EPRS1: variants seen among roughly 807,000 people sequenced by gnomAD.
EPRS1 encodes the protein bifunctional glutamate/proline--tRNA ligase.
In EPRS1, 107 loss-of-function variants were observed where a neutral mutation model predicts 188.3. The observed-to-expected ratio is 0.57, with a 90% CI of 0.49 to 0.67. EPRS1 has a LOEUF of 0.67. EPRS1 is among the 30% of genes least tolerant of loss of function. EPRS1 has a pLI of 0.00. For missense variants in EPRS1, 1,577 were observed against 1,802.2 expected (o/e 0.88, Z 2.26); for synonymous variants, 596 against 593.1 (o/e 1.00, Z -0.07).
intron 1 of EPRS1, among the ~76,000 whole-genome samples, chr1:220,041,792 A>G (rs1044412052): frequency 2.0e-5 from 3 of 151,966 alleles, no homozygotes; most frequent in Non-Finnish European, 4.4e-5. Flanking sequence ...GCAAGCCAAG[A>G]TTGCACTATT....
chr1:220,003,326 T>C (rs1277765937), intron 16 of EPRS1, among the ~76,000 whole-genome samples: 1 of 152,230 alleles, frequency 6.6e-6, no homozygotes, highest in African/African-American at 2.4e-5. Flanking sequence ...TACAAGTCCT[T>C]TAAGAGACAT....
intron 27 of EPRS1, 138 bp downstream of exon 27, chr1:219,979,280 C>A: frequency 1.6e-6 from 1 of 628,874 alleles, no homozygotes; most frequent in Admixed American, 3.0e-5. Flanking sequence ...CACTAGGGTC[C>A]AGACTGCATT....
intron 18 of EPRS1, among the ~76,000 whole-genome samples, chr1:219,994,687 G>A (rs1295861335): frequency 7.6e-6 from 1 of 132,196 alleles, no homozygotes; most frequent in East Asian, 2.1e-4. Flanking sequence ...GAGTCTTGCT[G>A]TTGCCCAGGC....
chr1:220,022,283 G>A (rs1661891920), intron 9 of EPRS1, 64 bp downstream of exon 9: 1 of 1,430,148 alleles, frequency 7.0e-7, no homozygotes, highest in Admixed American at 2.0e-5. Context: ...TGTACTCCAT[G>A]TTTAAAGAAG....
intron 14 of EPRS1, 31 bp downstream of exon 14, chr1:220,007,171 G>A: frequency 6.4e-7 from 1 of 1,574,074 alleles, no homozygotes. Flanking sequence ...TTTCTCCTAT[G>A]TTTATTTGAA....
intron 23 of EPRS1, 107 bp downstream of exon 23, chr1:219,982,665 C>G: frequency 3.7e-6 from 3 of 821,052 alleles, no homozygotes; most frequent in Non-Finnish European, 6.1e-6. Flanking sequence ...AATGTTATAT[C>G]GTCAACAGAG....
intron 6 of EPRS1, among the ~76,000 whole-genome samples, chr1:220,026,899 AATAAT>A (rs1290763112): frequency 6.6e-6 from 1 of 151,826 alleles, no homozygotes; most frequent in Non-Finnish European, 1.5e-5. Flanking sequence ...TATAAAATAA[AATAAT>A]ATAAAAATTC....
intron 2 of EPRS1, among the ~76,000 whole-genome samples, chr1:220,037,529 A>AAAGATGG (rs1388210202): frequency 6.6e-6 from 1 of 151,300 alleles, no homozygotes; most frequent in African/African-American, 2.4e-5. Context: ...AAAAAAATAG[A>AAAGATGG]AAGATGGAAA....
chr1:219,972,091 T>A lies in EPRS1; in HGVS notation c.4301A>T (p.Gln1434Leu), dbSNP rs548851329. The part of the protein sequence containing the change: ...MVVANTMEDF[Q>L]KILDSGKIVQ... ...GACCTTTCCAGAATCTAGTATCTTC[T>A]GAAAGTCTTCCATTGTATTAGCCAC... Residue 1434 changes from glutamine to leucine, a missense_variant, in exon 30 of 32, where the codon CAG becomes CTG. Physicochemically the swap from Gln to Leu is moderately radical, Grantham distance 113. Transcript: ENST00000366923. The A allele has an allele frequency of 2.7e-5, 43 of 1,598,818 alleles. No individual in the cohort carries two copies. In the South Asian group the frequency reaches 4.2e-4, roughly 16 times the overall value.
At chr1:219,975,804 A>G (rs1050629396) in intron 28 of EPRS1, among the ~76,000 whole-genome samples, 7 of 151,834 alleles carry the variant, frequency 4.6e-5, no homozygotes, top group African/African-American at 7.3e-5. Context: ...ATACATAAAT[A>G]GATATGGAAA....
intron 1 of EPRS1, among the ~76,000 whole-genome samples, chr1:220,045,785 T>G (rs1662390089): frequency 1.3e-5 from 2 of 152,162 alleles, no homozygotes; most frequent in South Asian, 4.1e-4. Flanking sequence ...TAAAAATAAA[T>G]GCAGCCTCAG....
chr1:219,973,190 G>A (rs772270187), intron 29 of EPRS1, 48 bp downstream of exon 29: 2 of 1,531,918 alleles, frequency 1.3e-6, no homozygotes, highest in Non-Finnish European at 1.8e-6. Flanking sequence ...GATCTCAAAG[G>A]TGGTGGAAGA....
intron 24 of EPRS1, 72 bp downstream of exon 24, chr1:219,981,306 A>C (rs1660892703): frequency 9.6e-7 from 1 of 1,043,982 alleles, no homozygotes; most frequent in Admixed American, 2.4e-5. Context: ...AAATAAAAAC[A>C]AAATGTGCTT....
chr1:219,992,485 G>A (rs184703482), intron 18 of EPRS1, among the ~76,000 whole-genome samples: 477 of 152,266 alleles, frequency 3.1e-3, no homozygotes, highest in Middle Eastern at 0.014. Flanking sequence ...TTCTTCCATG[G>A]AGGGATCAGC....
chr1:220,002,034 A>G (rs1050241590), intron 16 of EPRS1, among the ~76,000 whole-genome samples: 1 of 139,382 alleles, frequency 7.2e-6, no homozygotes, highest in Admixed American at 7.0e-5. Context: ...GTCTCCAAAG[A>G]AAAAAAAAAA....
At chr1:220,028,885 A>G (rs1275415236) in intron 6 of EPRS1, among the ~76,000 whole-genome samples, 1 of 152,178 alleles carries the variant, frequency 6.6e-6, no homozygotes, top group Non-Finnish European at 1.5e-5. Flanking sequence ...AGAGATGATG[A>G]AAACTATGCA....
intron 9 of EPRS1, among the ~76,000 whole-genome samples, chr1:220,020,870 A>ATATATG (rs1219334636): frequency 2.6e-4 from 20 of 77,302 alleles, no homozygotes; most frequent in Non-Finnish European, 3.8e-4. Flanking sequence ...ATATATATAT[A>ATATATG]TTAGTGCATT....
chr1:220,018,050 C>T (rs1490994905), intron 12 of EPRS1: 1 of 784,474 alleles, frequency 1.3e-6, no homozygotes, highest in African/African-American at 1.8e-5. Flanking sequence ...TGCTTCAAAG[C>T]CATATAACAT....
rs757459888 is a variant in EPRS1, at chr1:220,005,389, CT to C, written c.1951-30del. ...TAAAGATGATATAAACCAAAGTACA[CT>C]TTCTCAAAATCATAGTAGTAAAATA... On this transcript the variant is annotated intron_variant, in intron 15 of 31. Transcript: ENST00000366923. 52 of 1,130,394 alleles carry C rather than the reference CT, an allele frequency of 4.6e-5. 2 individuals are homozygous for C. The South Asian group carries it at 7.4e-4, about 16-fold the overall frequency. The allele number at this position is 1,130,394 out of a possible 1,614,324, so 70.0% of individuals were successfully genotyped here. A position where few individuals can be genotyped will look rare whatever the true frequency, so the allele number is the denominator to read the frequency against.
Sources: gnomAD v4.1 joint callset for allele counts (sites outside exome capture counted in the v4.1 genomes callset) on GRCh38, gnomAD v4.1.1 for gene constraint, MANE v1.5 for transcripts, NCBI Gene and HGNC (gene_info 2026-07-23, HGNC 2026-07-21) for gene names.